Variants in ADAP1 observed in about 807,000 individuals in gnomAD.
The protein encoded by ADAP1 is arf-GAP with dual PH domain-containing protein 1.
In ADAP1, 31 loss-of-function variants were observed where a neutral mutation model predicts 54.9. The observed-to-expected ratio is 0.56, with a 90% CI of 0.42 to 0.76. The LOEUF is 0.76. ADAP1 is among the 30% of genes least tolerant of loss of function. The probability of loss-of-function intolerance (pLI) is 0.00; values close to 1 mark genes in which losing one functional copy is unlikely to be tolerated. For synonymous variants in ADAP1, 313 were observed against 202.6 expected, an observed-to-expected ratio of 1.55 and a Z score of -4.63; for missense variants, 535 against 512.4, an observed-to-expected ratio of 1.04 and a Z score of -0.42.
intron 4 of ADAP1, among the ~76,000 whole-genome samples, chr7:906,778 GGGACACGGGGGACGGGACA>G (rs1845464024): frequency 4.8e-4 from 6 of 12,540 alleles, no homozygotes; most frequent in South Asian, 3.8e-3. Flanking sequence ...TGGGGGACAG[GGGACACGGGGGACGGGACA>G]GGGGACATGG....
chr7:900,392 C>A (rs915245396), intron 7 of ADAP1, 141 bp downstream of exon 7: 7 of 1,003,608 alleles, frequency 7.0e-6, no homozygotes, highest in Non-Finnish European at 1.0e-5. Context: ...GGGCTGCAGG[C>A]ACGTCAGGGT....
In ADAP1 at chr7:922,783, T is replaced by C. The variant is rs182402501; in HGVS notation, c.306-2733A>G. 1.5e-3 allele frequency among the ~76,000 whole-genome samples: 229 copies of C among 151,506 alleles called. 1 individual carries two copies. The highest frequency in any genetic ancestry group is 7.9e-3 in the Admixed American group (120 of 15,212). ...TTTTTCCCTTTTTATTACAGGAAAATAGCCCGGGTGGTGTTCACGCCCCCG... is the reference window on the plus strand; with the variant it reads ...TTTTTCCCTTTTTATTACAGGAAAACAGCCCGGGTGGTGTTCACGCCCCCG... On this transcript the variant is annotated intron_variant, in intron 3 of 10. Transcript: ENST00000265846.
intron 1 of ADAP1, among the ~76,000 whole-genome samples, chr7:936,687 G>C (rs1055688770): frequency 3.3e-5 from 5 of 152,228 alleles, no homozygotes; most frequent in Admixed American, 2.0e-4. Flanking sequence ...AGGCACCCTA[G>C]AGAGAACAGT....
At chr7:951,641 G>A (rs1847274194) in intron 1 of ADAP1, among the ~76,000 whole-genome samples, 1 of 151,488 alleles carries the variant, frequency 6.6e-6, no homozygotes, top group Non-Finnish European at 1.5e-5. Context: ...AGGCTGAGGT[G>A]GGAGGATTGC....
intron 4 of ADAP1, among the ~76,000 whole-genome samples, chr7:916,131 A>G (rs2128103010): frequency 6.6e-6 from 1 of 152,304 alleles, no homozygotes. Context: ...AGGTGACGAG[A>G]CAGGGACTTT....
intron 4 of ADAP1, among the ~76,000 whole-genome samples, chr7:911,308 C>G (rs936483622): frequency 1.1e-4 from 17 of 152,136 alleles, no homozygotes; most frequent in African/African-American, 3.4e-4. Context: ...GAGACCCCCC[C>G]ACTCACACAC....
At chr7:916,832 G>A (rs73672466) in intron 4 of ADAP1, among the ~76,000 whole-genome samples, 1,688 of 152,228 alleles carry the variant, frequency 0.011, 34 homozygotes, top group African/African-American at 0.038. Flanking sequence ...GACCTGGGGA[G>A]GTGCCTTGCT....
chr7:900,052 C>CA, intron 8 of ADAP1, 50 bp downstream of exon 8: 2 of 1,606,434 alleles, frequency 1.2e-6, no homozygotes, highest in South Asian at 2.2e-5. Context: ...GTCCGAGACC[C>CA]ACCATGGCGT....
In ADAP1 at chr7:900,111, C is replaced by G. The variant is rs139452042; in HGVS notation, c.786G>C (p.Thr262=). The change falls in exon 8 of 11, where the codon ACG becomes ACC. Residue 262 remains threonine (T), a synonymous_variant. Transcript: ENST00000265846. The part of the protein sequence containing the change: ...NYLKEGYMEK[T]GPKQTEGFRK... ...CGTGCGGCACACCCACCTTGGGCCC[C>G]GTCTTCTCCATGTAGCCTTCCTTCA... is the stretch of plus-strand genomic sequence containing the variant. The G allele has an allele frequency of 9.9e-6, 16 of 1,613,104 alleles. No homozygotes were observed. The highest frequency in any genetic ancestry group is 1.2e-5 in the Non-Finnish European group (14 of 1,179,930).
At chr7:936,800 G>T (rs761212794) in intron 1 of ADAP1, among the ~76,000 whole-genome samples, 1 of 152,260 alleles carries the variant, frequency 6.6e-6, no homozygotes, top group African/African-American at 2.4e-5. Flanking sequence ...ACAAGCAGGT[G>T]CGGCTGTGGA....
chr7:902,704 C>T (rs1056804908), intron 6 of ADAP1, among the ~76,000 whole-genome samples: 5 of 151,754 alleles, frequency 3.3e-5, no homozygotes, highest in Non-Finnish European at 7.4e-5. Context: ...AAAGCAATCC[C>T]TGACCTCATG....
Position 919,995 on chromosome 7 carries a change from G to C in ADAP1, c.361C>G (p.Pro121Ala). ...GCCGAGTAGGGCTCCTGCTTCTCCG[G>C]GTAGATGAACTCCTGTCGCTCGTAC... is the stretch of plus-strand genomic sequence containing the variant. ...AKYERQEFIY[P>A]EKQEPYSAGY... Residue 121 changes from proline (P) to alanine (A), a missense_variant, in exon 4 of 11, where the codon CCG becomes GCG. Physicochemically the swap from Pro to Ala is conservative, Grantham distance 27 (BLOSUM62 -1). Coordinates refer to ENST00000265846, the MANE Select transcript of ADAP1 (RefSeq NM_006869.4). 1.2e-6 allele frequency: 2 copies of C among 1,607,460 alleles called. No homozygotes were observed. The highest frequency in any genetic ancestry group is 1.7e-6 in the Non-Finnish European group (2 of 1,179,480).
intron 2 of ADAP1, among the ~76,000 whole-genome samples, chr7:929,125 C>G (rs1192521243): frequency 1.3e-5 from 2 of 152,038 alleles, no homozygotes; most frequent in African/African-American, 4.8e-5. Flanking sequence ...GACCCCGTCT[C>G]TACTGAAAAT....
Position 919,972 on chromosome 7 carries a change from C to T in ADAP1, c.384G>A (p.Ser128=), listed in dbSNP as rs550890072. ...ACCCCACCCGGGTGGCCTCACCTGC[C>T]GAGTAGGGCTCCTGCTTCTCCGGGT... ...FIYPEKQEPY[S]AGYREGFLWK... is the part of the protein sequence containing the mutation. Residue 128 remains serine (S), a synonymous_variant, in exon 4 of 11, where the codon TCG becomes TCA. Coordinates refer to ENST00000265846, the MANE Select transcript of ADAP1 (RefSeq NM_006869.4). 69 of 1,604,764 alleles carry T rather than the reference C, an allele frequency of 4.3e-5. No individual in the cohort carries two copies. Among genetic ancestry groups the T allele is most frequent in the African/African-American group, 1.1e-4 (8 of 74,508 alleles).
In ADAP1 at chr7:917,018, G is replaced by A. The variant is rs74953788; in HGVS notation, c.388+2950C>T. Among the ~76,000 whole-genome samples, 71 of 51,916 alleles carry A rather than the reference G, an allele frequency of 1.4e-3. 5 individuals carry two copies. In the East Asian group the frequency reaches 0.027, roughly 20 times the overall value. 34.1% of individuals were successfully genotyped at this position (51,916 alleles called of 152,430 possible). A position where few individuals can be genotyped will look rare whatever the true frequency, so the allele number is the denominator to read the frequency against. On this transcript the variant is annotated intron_variant, in intron 4 of 10. Coordinates refer to ENST00000265846, the MANE Select transcript of ADAP1 (RefSeq NM_006869.4). ...TGCCAGCTCTACCGGGGAGGTGCAC[G>A]GGAGGGGGGCGCAGTGCCAGCTCTA...
At position 898,868 on chromosome 7, in the gene ADAP1, C is replaced by T. The variant is rs2128631867; in HGVS notation, c.*53G>A. ...GCCAGAGCCCCCCCATCCACGGGTC[C>T]CCTCCGTCCAGCCACAGTGAGTCCA... On this transcript the variant is annotated 3_prime_UTR_variant, in exon 11 of 11. Transcript: ENST00000265846. 6.4e-7 allele frequency: 1 copy of T among 1,563,376 alleles called. No homozygotes were observed. The highest frequency in any genetic ancestry group is 8.6e-7 in the Non-Finnish European group (1 of 1,156,394).
rs1845362231 is a variant in ADAP1, at chr7:906,524, AGGGAAAGGAGAAAGGAGAAGGGAGAAAG to A, written c.389-1380_389-1353del. 9.1e-5 allele frequency among the ~76,000 whole-genome samples: 3 copies of A among 33,130 alleles called. 1 individual carries two copies. The highest frequency in any genetic ancestry group is 2.2e-4 in the African/African-American group (2 of 9,168). The allele number at this position is 33,130 out of a possible 152,430, so 21.7% of individuals were successfully genotyped here. A position where few individuals can be genotyped will look rare whatever the true frequency, so the allele number is the denominator to read the frequency against. On this transcript the variant is annotated intron_variant, in intron 4 of 10. Coordinates refer to ENST00000265846, the MANE Select transcript of ADAP1 (RefSeq NM_006869.4). ...GAAAGGGAGAAAGGAGAAAGGAGAA[AGGGAAAGGAGAAAGGAGAAGGGAGAAAG>A]GGAGAAAGGGAAAGGAGAAAGGGAA...
intron 6 of ADAP1, among the ~76,000 whole-genome samples, chr7:902,719 C>G (rs1234338255): frequency 1.3e-5 from 2 of 151,914 alleles, no homozygotes; most frequent in Non-Finnish European, 2.9e-5. Flanking sequence ...CTCATGGAAA[C>G]CAGTAACTGG....
intron 2 of ADAP1, among the ~76,000 whole-genome samples, chr7:932,324 G>T (rs1846610580): frequency 6.6e-6 from 1 of 152,162 alleles, no homozygotes; most frequent in Non-Finnish European, 1.5e-5. Flanking sequence ...ACAGCACCAA[G>T]TTGGCCCCTG....
Sources: allele counts gnomAD v4.1 joint callset (sites outside exome capture counted in the v4.1 genomes callset), GRCh38; gene constraint gnomAD v4.1.1; transcripts MANE v1.5; gene names NCBI Gene and HGNC (gene_info 2026-07-23, HGNC 2026-07-21).